The following SH3RF3 variants were observed in gnomAD, a reference collection of about 807,000 sequenced individuals.
The protein encoded by SH3RF3 is SH3 domain containing ring finger 3, also known as E3 ubiquitin-protein ligase SH3RF3.
A neutral mutation model predicts 66.3 loss-of-function variants in SH3RF3; 29 were observed. That is an observed-to-expected ratio of 0.44 (90% CI 0.33 to 0.60). SH3RF3 has a LOEUF of 0.60. SH3RF3 is among the 20% of genes least tolerant of loss of function. The pLI, the probability that SH3RF3 is intolerant of heterozygous loss-of-function variation, is 0.04. For synonymous variants in SH3RF3, 583 were observed against 532.0 expected (o/e 1.10, Z -1.32); for missense variants, 1,194 against 1,190.9 (o/e 1.00, Z -0.04).
chr2:109,156,435 G>GGATGAATT (rs1314919768), intron 1 of SH3RF3, among the ~76,000 whole-genome samples: 1 of 152,100 alleles, frequency 6.6e-6, no homozygotes. Flanking sequence ...ATACACTAAG[G>GGATGAATT]GATGAATTTT....
chr2:109,249,576 C>CT (rs1487943280), intron 1 of SH3RF3, among the ~76,000 whole-genome samples: 4 of 116,916 alleles, frequency 3.4e-5, no homozygotes, highest in African/African-American at 1.5e-4. Flanking sequence ...TCCTTCCTTC[C>CT]TTCCTTCCTT....
chr2:109,232,886 C>T (rs1679547524), intron 1 of SH3RF3, among the ~76,000 whole-genome samples: 1 of 152,144 alleles, frequency 6.6e-6, no homozygotes, highest in African/African-American at 2.4e-5. Context: ...TTTTGGTTTA[C>T]AGTTCTGTGA....
chr2:109,413,074 C>T (rs115492106), intron 4 of SH3RF3, among the ~76,000 whole-genome samples: 1,911 of 152,306 alleles, frequency 0.013, 48 homozygotes, highest in African/African-American at 0.044. Flanking sequence ...CTGCGAAATC[C>T]TTACCTGTAC....
intron 9 of SH3RF3, among the ~76,000 whole-genome samples, chr2:109,495,277 G>T (rs1027817680): frequency 1.1e-4 from 16 of 152,168 alleles, no homozygotes; most frequent in Non-Finnish European, 8.8e-5. Flanking sequence ...TAATGCCCCA[G>T]TTCCCCAGCT....
At chr2:109,379,232 A>G (rs952457856) in intron 3 of SH3RF3, among the ~76,000 whole-genome samples, 1 of 152,216 alleles carries the variant, frequency 6.6e-6, no homozygotes, top group Non-Finnish European at 1.5e-5. Flanking sequence ...TTAGCCAGTG[A>G]TGCTTTAGGA....
chr2:109,249,549 T>C (rs1343819006), intron 1 of SH3RF3, among the ~76,000 whole-genome samples: 1 of 127,660 alleles, frequency 7.8e-6, no homozygotes, highest in African/African-American at 3.3e-5. Flanking sequence ...CCTTCCTTCC[T>C]TCCTTCCTTC....
intron 1 of SH3RF3, among the ~76,000 whole-genome samples, chr2:109,130,560 C>A (rs1385603302): frequency 1.3e-5 from 2 of 152,076 alleles, no homozygotes; most frequent in African/African-American, 4.8e-5. Context: ...GGGCCTCCTG[C>A]CTGCGGTGTG....
chr2:109,375,060 G>A (rs1452204844), intron 3 of SH3RF3, among the ~76,000 whole-genome samples: 1 of 152,166 alleles, frequency 6.6e-6, no homozygotes, highest in Non-Finnish European at 1.5e-5. Context: ...CCCCGCCCTG[G>A]ACATACGTAC....
intron 5 of SH3RF3, among the ~76,000 whole-genome samples, chr2:109,423,871 A>G (rs1277431175): frequency 6.6e-6 from 1 of 152,202 alleles, no homozygotes; most frequent in East Asian, 1.9e-4. Flanking sequence ...CTGCACCTCT[A>G]GAGAGGGCAC....
At chr2:109,230,180 A>G (rs962637323) in intron 1 of SH3RF3, among the ~76,000 whole-genome samples, 1 of 151,774 alleles carries the variant, frequency 6.6e-6, no homozygotes, top group Non-Finnish European at 1.5e-5. Flanking sequence ...TATACTATAT[A>G]TTGTTTATCC....
intron 4 of SH3RF3, 21 bp downstream of exon 4, chr2:109,398,964 G>A (rs1250511783): frequency 6.3e-6 from 10 of 1,596,292 alleles, no homozygotes; most frequent in Non-Finnish European, 8.5e-6. Context: ...GCGGGCCAGG[G>A]CAGGCATCCC....
At chr2:109,485,581 A>G (rs1435391875) in intron 8 of SH3RF3, among the ~76,000 whole-genome samples, 1 of 152,260 alleles carries the variant, frequency 6.6e-6, no homozygotes, top group African/African-American at 2.4e-5. Flanking sequence ...TACCATTTGT[A>G]TAATGTTTTA....
intron 5 of SH3RF3, among the ~76,000 whole-genome samples, 152 bp from the exon 6 acceptor site, chr2:109,432,349 G>T (rs1024970036): frequency 6.6e-6 from 1 of 152,160 alleles, no homozygotes; most frequent in African/African-American, 2.4e-5. Flanking sequence ...GGGAGGGTGT[G>T]TGAGGCCTCT....
At chr2:109,311,566 G>C (rs1448215670) in intron 1 of SH3RF3, among the ~76,000 whole-genome samples, 1 of 152,186 alleles carries the variant, frequency 6.6e-6, no homozygotes, top group Non-Finnish European at 1.5e-5. Context: ...CCTGTTTGCA[G>C]ACGACATGAT....
chr2:109,157,620 A>G (rs187563941), intron 1 of SH3RF3, among the ~76,000 whole-genome samples: 1 of 152,330 alleles, frequency 6.6e-6, no homozygotes, highest in African/African-American at 2.4e-5. Flanking sequence ...CCTGAATCCC[A>G]GTCTAGTGTG....
At chr2:109,343,236 T>C (rs1682598074) in intron 1 of SH3RF3, among the ~76,000 whole-genome samples, 1 of 152,226 alleles carries the variant, frequency 6.6e-6, no homozygotes, top group African/African-American at 2.4e-5. Flanking sequence ...GTTAATCTTA[T>C]AAAGGGCTTT....
chr2:109,420,491 G>A (rs13407755), intron 5 of SH3RF3, among the ~76,000 whole-genome samples: 5,834 of 152,202 alleles, frequency 0.038, 122 homozygotes, highest in African/African-American at 0.062. Flanking sequence ...TGTCTCCCAG[G>A]CTGGAGTGCA....
chr2:109,303,598 G>A (rs967126555), intron 1 of SH3RF3, among the ~76,000 whole-genome samples: 6 of 152,226 alleles, frequency 3.9e-5, no homozygotes, highest in East Asian at 3.9e-4. Flanking sequence ...GGAGAGGGCC[G>A]CCACACGGGC....
chr2:109,258,495 A>G (rs1327172745), intron 1 of SH3RF3, among the ~76,000 whole-genome samples: 1 of 152,128 alleles, frequency 6.6e-6, no homozygotes, highest in Non-Finnish European at 1.5e-5. Flanking sequence ...GGCCAATCCA[A>G]TCATGTAGGC....
Sources: gnomAD v4.1 joint callset for allele counts (sites outside exome capture counted in the v4.1 genomes callset) on GRCh38, gnomAD v4.1.1 for gene constraint, MANE v1.5 for transcripts, NCBI Gene and HGNC (gene_info 2026-07-23, HGNC 2026-07-21) for gene names.